Variants in FSTL4 observed in about 807,000 individuals in gnomAD.
FSTL4 encodes follistatin-related protein 4.
A neutral mutation model predicts 78.2 loss-of-function variants in FSTL4; 28 were observed. The observed-to-expected ratio is 0.36, with a 90% CI of 0.27 to 0.49. The LOEUF is 0.49. Among genes scored for constraint, FSTL4 ranks in the 20% least tolerant of loss-of-function variants. The pLI, the probability that FSTL4 is intolerant of heterozygous loss-of-function variation, is 0.98. For missense variants in FSTL4, 922 were observed against 1,084.9 expected, an observed-to-expected ratio of 0.85 and a Z score of 2.11; for synonymous variants, 422 against 440.5, an observed-to-expected ratio of 0.96 and a Z score of 0.53.
chr5:133,788,195 A>G, the FSTL4 span, among the ~76,000 whole-genome samples: 25 of 152,152 alleles, frequency 1.6e-4, no homozygotes, highest in Non-Finnish European at 2.8e-4. Context: ...AGATGGGGAG[A>G]TCAGAAGCAC....
rs1417407017 is a variant in FSTL4, at chr5:133,440,746, C to T, written c.161-39760G>A. On this transcript the variant is annotated intron_variant, in intron 3 of 15. Transcript: ENST00000265342. This position sits in a 1 kb window ranked among gnomAD's most constrained non-coding sequence, Gnocchi z 4.1. ...TGCAAGAGGCCTAGCCCAGACACAGCGTGGAAGACACGTTTCAGGCAGGAC... is the reference window on the plus strand; with the variant it reads ...TGCAAGAGGCCTAGCCCAGACACAGTGTGGAAGACACGTTTCAGGCAGGAC... Among the ~76,000 whole-genome samples, 2 of 152,106 alleles carry T rather than the reference C, an allele frequency of 1.3e-5. No individual in the cohort carries two copies. The highest frequency in any genetic ancestry group is 2.9e-5 in the Non-Finnish European group (2 of 68,018).
At chr5:133,743,614 T>C in the FSTL4 span, among the ~76,000 whole-genome samples, 1 of 152,266 alleles carries the variant, frequency 6.6e-6, no homozygotes, top group African/African-American at 2.4e-5. Flanking sequence ...TATTGTCTTC[T>C]CTAAGATCTA....
At chr5:133,800,751 A>AT in the FSTL4 span, among the ~76,000 whole-genome samples, 4 of 87,762 alleles carry the variant, frequency 4.6e-5, no homozygotes, top group Non-Finnish European at 1.1e-4. Flanking sequence ...CTCCCCAGAC[A>AT]TTTTTTCTAA....
chr5:133,498,836 C>T (rs1691355003), intron 3 of FSTL4, among the ~76,000 whole-genome samples: 1 of 151,956 alleles, frequency 6.6e-6, no homozygotes, highest in African/African-American at 2.4e-5. Context: ...CCAACTCACT[C>T]ACTTTTTATT....
intron 4 of FSTL4, among the ~76,000 whole-genome samples, chr5:133,328,336 A>T (rs1754264990): frequency 1.3e-5 from 2 of 152,252 alleles, no homozygotes; most frequent in Admixed American, 1.3e-4. Flanking sequence ...ACATTTGCTT[A>T]TGAATGCCTG....
rs1389953802 is a variant in FSTL4, at chr5:133,603,923, G to C, written c.61C>G (p.Leu21Val). ...TLLGASLPAA[L>V]GWMDPGTSRG... is the part of the protein sequence containing the mutation. ...CTGGTTCCTGGGTCCATCCATCCCA[G>C]CGCAGCCGGCAGGGAGGCTCCGAGC... The change falls in exon 2 of 16, where the codon CTG becomes GTG. Residue 21 changes from leucine to valine, a missense_variant. Physicochemically the swap from Leu to Val is conservative, Grantham distance 32. Transcript: ENST00000265342. The C allele has an allele frequency of 6.2e-7, 1 of 1,613,788 alleles. No individual in the cohort carries two copies. The highest frequency in any genetic ancestry group is 1.3e-5 in the African/African-American group (1 of 74,924).
At chr5:133,756,984 G>A in the FSTL4 span, among the ~76,000 whole-genome samples, 2 of 152,246 alleles carry the variant, frequency 1.3e-5, no homozygotes, top group South Asian at 2.1e-4. Flanking sequence ...CCTCTCAAGT[G>A]GCCCCCATCT....
the FSTL4 span, among the ~76,000 whole-genome samples, chr5:133,715,424 AT>A: frequency 7.2e-5 from 11 of 152,202 alleles, no homozygotes; most frequent in African/African-American, 2.4e-5. Flanking sequence ...CTTCATTTGC[AT>A]TTTCTCATTT....
At chr5:133,636,603 G>A in the FSTL4 span, among the ~76,000 whole-genome samples, 3 of 152,062 alleles carry the variant, frequency 2.0e-5, no homozygotes, top group Admixed American at 1.3e-4. Flanking sequence ...AACAATAATA[G>A]AACCTACCAC....
chr5:133,574,895 G>A (rs958709457), intron 2 of FSTL4: 6 of 152,112 alleles, frequency 3.9e-5, no homozygotes, highest in African/African-American at 1.4e-4. Context: ...GATGACAGAT[G>A]AGTAGTAACC....
intron 4 of FSTL4, among the ~76,000 whole-genome samples, chr5:133,350,026 C>T (rs10085085): frequency 8.8e-5 from 12 of 135,644 alleles, no homozygotes; most frequent in African/African-American, 2.5e-4. Context: ...TGCTGCCATG[C>T]GACTGTAAAG....
chr5:133,666,213 T>C, the FSTL4 span, among the ~76,000 whole-genome samples: 3 of 152,224 alleles, frequency 2.0e-5, no homozygotes, highest in African/African-American at 7.2e-5. Flanking sequence ...TATAATATCT[T>C]CAATGTAAAG....
chr5:133,781,395 GT>G, the FSTL4 span, among the ~76,000 whole-genome samples: 81 of 149,978 alleles, frequency 5.4e-4, 1 homozygote, highest in African/African-American at 2.0e-3. Flanking sequence ...GTGTGTGTGT[GT>G]GTGTGTGTGT....
the FSTL4 span, among the ~76,000 whole-genome samples, chr5:133,797,551 G>A: frequency 2.6e-5 from 4 of 152,168 alleles, no homozygotes. Context: ...CCAAAAGAGA[G>A]GGGGTATAAC....
the FSTL4 span, among the ~76,000 whole-genome samples, chr5:133,674,224 C>T: frequency 1.3e-5 from 2 of 152,306 alleles, no homozygotes; most frequent in South Asian, 4.1e-4. Flanking sequence ...TCCCAATGAT[C>T]TGGGTGCTGA....
chr5:133,599,246 A>G (rs980251241), intron 2 of FSTL4, among the ~76,000 whole-genome samples: 28 of 152,322 alleles, frequency 1.8e-4, no homozygotes, highest in African/African-American at 6.7e-4. Flanking sequence ...CGGAGCATCT[A>G]AGGGACTCTG....
intron 2 of FSTL4, among the ~76,000 whole-genome samples, chr5:133,573,027 G>A (rs1215919809): frequency 3.3e-5 from 5 of 152,196 alleles, no homozygotes; most frequent in Admixed American, 3.3e-4. Flanking sequence ...GGTGGATCAC[G>A]AGGTCAGGAG....
chr5:133,395,196 A>G (rs536896770), intron 4 of FSTL4, among the ~76,000 whole-genome samples: 90 of 151,996 alleles, frequency 5.9e-4, no homozygotes, highest in African/African-American at 2.1e-3. Context: ...CACCCCGTGG[A>G]AGCTTTGTTC....
the FSTL4 span, among the ~76,000 whole-genome samples, chr5:133,812,934 G>A: frequency 2.0e-5 from 3 of 152,314 alleles, no homozygotes; most frequent in East Asian, 1.9e-4. Context: ...TGCTCTGAAC[G>A]AAGAAAAAAC....
Sources: allele counts gnomAD v4.1 joint callset (sites outside exome capture counted in the v4.1 genomes callset), GRCh38; gene constraint gnomAD v4.1.1; non-coding constraint Gnocchi (gnomAD v3.1); transcripts MANE v1.5; gene names NCBI Gene and HGNC (gene_info 2026-07-23, HGNC 2026-07-21).